TTC39B: variants seen among roughly 807,000 people sequenced by gnomAD.
TTC39B encodes the protein tetratricopeptide repeat domain 39B.
A neutral mutation model predicts 96.6 loss-of-function variants in TTC39B; 92 were observed. The ratio of observed to expected loss-of-function variants is 0.95; its 90% confidence interval spans 0.80 to 1.13. TTC39B has a LOEUF of 1.13. TTC39B is among the 50% of genes most tolerant of loss of function. The probability of loss-of-function intolerance (pLI) is 0.00; values close to 1 mark genes in which losing one functional copy is unlikely to be tolerated. For missense variants in TTC39B, 955 were observed against 809.3 expected, an observed-to-expected ratio of 1.18 and a Z score of -2.18; for synonymous variants, 367 against 299.4, an observed-to-expected ratio of 1.23 and a Z score of -2.33.
At chr9:15,214,315 AGT>A (rs199807096) in intron 3 of TTC39B, 66 bp from the exon 4 acceptor site, 80,874 of 707,726 alleles carry the variant, frequency 0.11, 191 homozygotes, top group Middle Eastern at 0.16. Flanking sequence ...GTCCGAAGGG[AGT>A]GTGTGTGTGT....
chr9:15,195,699 A>G (rs1239975817), intron 8 of TTC39B, among the ~76,000 whole-genome samples: 3 of 149,912 alleles, frequency 2.0e-5, no homozygotes, highest in Non-Finnish European at 4.4e-5. Flanking sequence ...AAAAAGTGCT[A>G]AGTGAAGCTG....
intron 1 of TTC39B, among the ~76,000 whole-genome samples, chr9:15,286,528 G>A (rs887510309): frequency 5.3e-5 from 8 of 152,206 alleles, no homozygotes; most frequent in Admixed American, 3.9e-4. Context: ...CCTGGTCAAG[G>A]TGTTGTCCTA....
rs865906939 is a variant in TTC39B at position 15,278,875 on chromosome 9, T to C, written c.241-10927A>G. On this transcript the variant is annotated intron_variant, in intron 1 of 19. Coordinates refer to ENST00000512701, the Ensembl canonical transcript of TTC39B. Reference sequence around the variant, plus strand: ...ACAGCAACAATAACAGGTAACACTATTGAGTGCCAAACATTGCTCAGAATC... The same window carrying C: ...ACAGCAACAATAACAGGTAACACTACTGAGTGCCAAACATTGCTCAGAATC... 5.3e-5 allele frequency among the ~76,000 whole-genome samples: 8 copies of C among 152,330 alleles called. 1 individual carries two copies. The highest frequency in any genetic ancestry group is 6.8e-3 in the Middle Eastern group (2 of 294).
At chr9:15,164,888 C>A (rs1490479176) in exon 20 of TTC39B, 1 of 152,122 alleles carries the variant, frequency 6.6e-6, no homozygotes, top group Admixed American at 6.5e-5. Context: ...TAAAGAGAAC[C>A]CAACAGTGCT....
chr9:15,241,673 G>A (rs929917133), intron 2 of TTC39B, among the ~76,000 whole-genome samples: 1 of 151,014 alleles, frequency 6.6e-6, no homozygotes, highest in African/African-American at 2.4e-5. Flanking sequence ...AACTTAAGCT[G>A]TATTAAGAAA....
chr9:15,193,643 T>C (rs927181983), intron 8 of TTC39B, among the ~76,000 whole-genome samples: 7 of 152,244 alleles, frequency 4.6e-5, no homozygotes, highest in Admixed American at 2.6e-4. Flanking sequence ...TGGTGCATTT[T>C]GCCAAGATAA....
At chr9:15,285,135 G>T (rs371554916) in intron 1 of TTC39B, among the ~76,000 whole-genome samples, 2 of 151,972 alleles carry the variant, frequency 1.3e-5, no homozygotes, top group African/African-American at 2.4e-5. Context: ...CGTGGTGGCG[G>T]GCGCCTGTAG....
intron 2 of TTC39B, among the ~76,000 whole-genome samples, chr9:15,241,848 T>C (rs1822056216): frequency 6.6e-6 from 1 of 150,432 alleles, no homozygotes; most frequent in Non-Finnish European, 1.5e-5. Flanking sequence ...GTTCAAGCAA[T>C]TCTCCTGTCT....
chr9:15,175,864 C>G (rs1464998130), intron 18 of TTC39B, among the ~76,000 whole-genome samples: 2 of 152,188 alleles, frequency 1.3e-5, no homozygotes, highest in African/African-American at 4.8e-5. Flanking sequence ...AAACTGAGAC[C>G]TCTATTTAAA....
intron 1 of TTC39B, among the ~76,000 whole-genome samples, chr9:15,271,501 T>A (rs1039022444): frequency 6.6e-6 from 1 of 152,160 alleles, no homozygotes; most frequent in African/African-American, 2.4e-5. Flanking sequence ...AGACATTAGA[T>A]TCTCATAAGG....
chr9:15,287,688 GA>G (rs1243652067), intron 1 of TTC39B, among the ~76,000 whole-genome samples: 13 of 150,232 alleles, frequency 8.7e-5, no homozygotes, highest in African/African-American at 2.9e-4. Flanking sequence ...AACCTTTAGG[GA>G]AAAAAAAATG....
chr9:15,180,036 C>T (rs906596079), intron 17 of TTC39B, among the ~76,000 whole-genome samples: 1 of 152,158 alleles, frequency 6.6e-6, no homozygotes, highest in African/African-American at 2.4e-5. Context: ...CATTTCGACA[C>T]ACAACACACA....
chr9:15,296,081 C>A lies in TTC39B; in HGVS notation c.240+11003G>T, dbSNP rs1003940255. Among the ~76,000 whole-genome samples the A allele has an allele frequency of 9.2e-5, 14 of 152,124 alleles. No individual in the cohort carries two copies. The East Asian group carries it at 1.2e-3, about 13-fold the overall frequency. ...GGTTCTGAGTGTAAGGACTGTGACT[C>A]ATGGTTGTCCAGAATGCCAGGACAA... On this transcript the variant is annotated intron_variant, in intron 1 of 19. Coordinates refer to ENST00000512701, the Ensembl canonical transcript of TTC39B.
intron 1 of TTC39B, among the ~76,000 whole-genome samples, chr9:15,303,315 C>G (rs1824658881): frequency 6.6e-6 from 1 of 151,854 alleles, no homozygotes. Flanking sequence ...TTTCAAAAAA[C>G]ATTCAAAACT....
At chr9:15,265,797 T>C (rs936907668) in intron 2 of TTC39B, among the ~76,000 whole-genome samples, 5 of 152,044 alleles carry the variant, frequency 3.3e-5, no homozygotes, top group Non-Finnish European at 5.9e-5. Flanking sequence ...CCATCTGGGG[T>C]CTTCTTCCCA....
exon 20 of TTC39B, chr9:15,164,335 C>T (rs1432475959): frequency 2.0e-5 from 3 of 152,282 alleles, no homozygotes; most frequent in East Asian, 1.9e-4. Flanking sequence ...CAAGAAACTT[C>T]ACATTAGTTT....
chr9:15,193,086 C>T (rs1021147454), intron 8 of TTC39B, among the ~76,000 whole-genome samples: 2 of 152,186 alleles, frequency 1.3e-5, no homozygotes, highest in African/African-American at 4.8e-5. Flanking sequence ...AAATGAAATG[C>T]TACTGGCAAG....
At chr9:15,185,566 C>T (rs1368615116) in intron 15 of TTC39B, 160 bp from the exon 16 acceptor site, 2 of 1,118,970 alleles carry the variant, frequency 1.8e-6, no homozygotes, top group Non-Finnish European at 1.2e-6. Flanking sequence ...TACTCTAGAC[C>T]TACTGAATCA....
chr9:15,171,842 A>G (rs1228396958), exon 20 of TTC39B: 1 of 423,512 alleles, frequency 2.4e-6, no homozygotes, highest in East Asian at 3.8e-5. Context: ...ATGCCATTCC[A>G]TAGGAAAAAA....
Sources: allele counts gnomAD v4.1 joint callset (sites outside exome capture counted in the v4.1 genomes callset), GRCh38; gene constraint gnomAD v4.1.1; transcripts MANE v1.5; gene names NCBI Gene and HGNC (gene_info 2026-07-23, HGNC 2026-07-21).